The following NEDD1 variants were observed in gnomAD, a reference collection of about 807,000 sequenced individuals.
NEDD1 encodes NEDD1 gamma-tubulin ring complex targeting factor, also known as protein NEDD1.
NEDD1 carries 33 observed loss-of-function variants against 74.0 expected under a neutral mutation model. That is an observed-to-expected ratio of 0.45 (90% CI 0.34 to 0.60). NEDD1 has a LOEUF of 0.60. Among genes scored for constraint, NEDD1 ranks in the 20% least tolerant of loss-of-function variants. The probability of loss-of-function intolerance (pLI) is 0.01; values close to 1 mark genes in which losing one functional copy is unlikely to be tolerated. For synonymous variants in NEDD1, 250 were observed against 264.4 expected, an observed-to-expected ratio of 0.95 and a Z score of 0.53; for missense variants, 746 against 776.5, an observed-to-expected ratio of 0.96 and a Z score of 0.47.
rs149577441 is a variant in NEDD1 at position 96,944,690 on chromosome 12, C to A, written c.1549C>A (p.Pro517Thr). 1.1e-4 allele frequency: 177 copies of A among 1,601,982 alleles called. No individual in the cohort carries two copies. Among genetic ancestry groups the A allele is most frequent in the Non-Finnish European group, 1.5e-4 (172 of 1,173,202 alleles). ...GAESGNLNTSPSSNQTRNSEK... is the reference protein window; with the variant it reads ...GAESGNLNTSTSSNQTRNSEK... ...TGAAAGTGGAAATCTAAATACCTCT[C>A]CATCATCTAACCAAACAAGAAATTC... The change falls in exon 13 of 16, where the codon CCA becomes ACA. Residue 517 changes from proline (P) to threonine (T), a missense_variant. Transcript: ENST00000266742.
intron 14 of NEDD1, 97 bp downstream of exon 14, chr12:96,945,946 T>G (rs376318549): frequency 2.7e-6 from 2 of 733,406 alleles, no homozygotes; most frequent in Non-Finnish European, 4.6e-6. Context: ...GTTACTATTG[T>G]CTAGGTTCTG....
chr12:96,909,957 C>T, intron 3 of NEDD1, 62 bp downstream of exon 3: 4 of 1,544,306 alleles, frequency 2.6e-6, no homozygotes, highest in Non-Finnish European at 3.5e-6. Flanking sequence ...GGTTAAACAA[C>T]CACTGTCAAT....
At chr12:96,933,263 A>G (rs915910202) in intron 6 of NEDD1, among the ~76,000 whole-genome samples, 19 of 152,274 alleles carry the variant, frequency 1.2e-4, no homozygotes, top group Admixed American at 8.5e-4. Context: ...TGTGATTTTT[A>G]TGGTGTTTTT....
At chr12:96,917,490 C>G (rs562708116) in intron 4 of NEDD1, 131 bp from the exon 5 acceptor site, 66 of 1,065,336 alleles carry the variant, frequency 6.2e-5, no homozygotes, top group Non-Finnish European at 7.9e-5. Context: ...CTCTTTAGTA[C>G]AAGATTAGCA....
At chr12:96,942,665 G>A (rs935145871) in intron 11 of NEDD1, 41 bp downstream of exon 11, 2 of 986,192 alleles carry the variant, frequency 2.0e-6, no homozygotes, top group Admixed American at 1.8e-5. Context: ...AATGAAAAGT[G>A]AATTGTATTA....
At chr12:96,907,553 C>T in intron 1 of NEDD1, 51 bp from the exon 2 acceptor site, 1 of 1,523,860 alleles carries the variant, frequency 6.6e-7, no homozygotes, top group Non-Finnish European at 8.9e-7. Flanking sequence ...TGCCTCGTCT[C>T]CACAAGTCTG....
In NEDD1 at chr12:96,912,720, T is replaced by A; in HGVS notation, c.137-3T>A. 6.7e-7 allele frequency: 1 copy of A among 1,488,588 alleles called. No individual in the cohort carries two copies. The allele number at this position is 1,488,588 out of a possible 1,614,324, so 92.2% of individuals were successfully genotyped here. ...GTTTGATGCTCCATAACTCCTCATTTAGATAACTTTTTAGTAACAGCATCT... is the reference window on the plus strand; with the variant it reads ...GTTTGATGCTCCATAACTCCTCATTAAGATAACTTTTTAGTAACAGCATCT... On this transcript the variant is annotated splice_polypyrimidine_tract_variant and splice_region_variant and intron_variant, in intron 3 of 15. Coordinates refer to ENST00000266742, the MANE Select transcript of NEDD1 (RefSeq NM_152905.4).
rs774810261 is a variant in NEDD1 at position 96,940,437 on chromosome 12, T to C, written c.1146T>C (p.Thr382=). Residue 382 remains threonine (T), a synonymous_variant, in exon 10 of 16, where the codon ACT becomes ACC. Coordinates refer to ENST00000266742, the MANE Select transcript of NEDD1 (RefSeq NM_152905.4). ...TGCCTCGAAGCATAAACACAGACAC[T>C]TTATCTAAGGAAACAGACAGTGGAA... ...AGLPRSINTD[T]LSKETDSGKN... 3.7e-6 allele frequency: 6 copies of C among 1,600,722 alleles called. No individual in the cohort carries two copies. The highest frequency in any genetic ancestry group is 5.1e-6 in the Non-Finnish European group (6 of 1,169,250).
rs960565796 is a variant in NEDD1, at chr12:96,943,598, C to G, written c.1333C>G (p.Pro445Ala). The change falls in exon 12 of 16, where the codon CCA becomes GCA. Residue 445 changes from proline (P) to alanine (A), a missense_variant. Transcript: ENST00000266742. ...FLPQLNSVFP[P>A]RKNPVTSSTS... ...ACCGCAGTTGAACTCAGTGTTTCCT[C>G]CAAGAAAAAATCCAGTAACTTCAAG... 2 of 1,613,132 alleles carry G rather than the reference C, an allele frequency of 1.2e-6. No individual in the cohort carries two copies. Among genetic ancestry groups the G allele is most frequent in the Non-Finnish European group, 1.7e-6 (2 of 1,179,388 alleles).
chr12:96,935,461 C>A (rs149970974), intron 7 of NEDD1, among the ~76,000 whole-genome samples: 192 of 152,256 alleles, frequency 1.3e-3, no homozygotes, highest in African/African-American at 4.3e-3. Context: ...ATTTTAGCAT[C>A]TTTTCCACAA....
At chr12:96,935,834 C>CAA (rs146280315) in intron 7 of NEDD1, among the ~76,000 whole-genome samples, 6,229 of 152,112 alleles carry the variant, frequency 0.041, 426 homozygotes, top group African/African-American at 0.14. Flanking sequence ...AAAACAAAAA[C>CAA]AAAAACAAAA....
At chr12:96,926,839 T>C (rs373562175) in intron 6 of NEDD1, among the ~76,000 whole-genome samples, 3 of 151,746 alleles carry the variant, frequency 2.0e-5, no homozygotes, top group Non-Finnish European at 4.4e-5. Flanking sequence ...ATACAAAAAT[T>C]AGCCAGGTGT....
At chr12:96,950,008 A>G (rs946897714) in intron 14 of NEDD1, among the ~76,000 whole-genome samples, 2 of 152,088 alleles carry the variant, frequency 1.3e-5, no homozygotes, top group African/African-American at 2.4e-5. Flanking sequence ...ATTTGAGCAC[A>G]TTAATAAGAA....
intron 4 of NEDD1, among the ~76,000 whole-genome samples, chr12:96,914,451 C>T (rs1874238115): frequency 6.6e-6 from 1 of 152,084 alleles, no homozygotes; most frequent in Non-Finnish European, 1.5e-5. Context: ...CAAATTGTAT[C>T]ATAATGCTGT....
chr12:96,914,902 T>C (rs1307818674), intron 4 of NEDD1, among the ~76,000 whole-genome samples: 1 of 152,212 alleles, frequency 6.6e-6, no homozygotes, highest in Non-Finnish European at 1.5e-5. Context: ...CTAAATATAA[T>C]TTTTATTTTG....
rs200101373 is a variant in NEDD1, at chr12:96,944,750, G to A, written c.1609G>A (p.Ala537Thr). 2.1e-5 allele frequency: 34 copies of A among 1,592,890 alleles called. No homozygotes were observed. Among genetic ancestry groups the A allele is most frequent in the East Asian group, 2.3e-5 (1 of 43,656 alleles). Residue 537 changes from alanine to threonine, a missense_variant, in exon 13 of 16, where the codon GCC becomes ACC. By Grantham distance (58) the Ala-to-Thr change is moderately conservative (BLOSUM62 0). Around this residue, in one of 3 missense-constraint regions of NEDD1, gnomAD observed 706 missense variants for 706.7 expected, o/e 1.00. Transcript: ENST00000266742. ...KFEKPENEIE[A>T]QLICEPPING... ...TGAAAAGCCAGAGAATGAAATTGAA[G>A]CCCAGTTGATATGTGAACCCCCAAT...
rs1004821251 is a variant in NEDD1, at chr12:96,907,549, G to T, written c.-261-55G>T. 3 of 1,502,596 alleles carry T rather than the reference G, an allele frequency of 2.0e-6. No homozygotes were observed. The African/African-American group carries it at 4.2e-5, about 21-fold the overall frequency. The allele number at this position is 1,502,596 out of a possible 1,614,324, so 93.1% of individuals were successfully genotyped here. ...GTGCTGCCTCCGAAAAGTTTGCCTC[G>T]TCTCCACAAGTCTGTCTCCTTTTTT... is the stretch of plus-strand genomic sequence containing the variant. On this transcript the variant is annotated intron_variant, in intron 1 of 15. Transcript: ENST00000266742.
chr12:96,937,312 G>T lies in NEDD1; in HGVS notation c.1036G>T (p.Ala346Ser). 2 of 1,612,208 alleles carry T rather than the reference G, an allele frequency of 1.2e-6. No individual in the cohort carries two copies. Among genetic ancestry groups the T allele is most frequent in the Non-Finnish European group, 1.7e-6 (2 of 1,178,766 alleles). Residue 346 changes from alanine (A) to serine (S), a missense_variant, in exon 9 of 16, where the codon GCC becomes TCC. Transcript: ENST00000266742. Reference sequence around the variant, plus strand: ...TTCCGGAATTGTCAGAGAAGCACCTGCCACGTCCATTGCCACAGTTCTACC... The same window carrying T: ...TTCCGGAATTGTCAGAGAAGCACCTTCCACGTCCATTGCCACAGTTCTACC... ...QNSGIVREAP[A>S]TSIATVLPQP...
At chr12:96,919,389 C>G (rs530088800) in intron 5 of NEDD1, among the ~76,000 whole-genome samples, 1 of 152,282 alleles carries the variant, frequency 6.6e-6, no homozygotes, top group South Asian at 2.1e-4. Context: ...GACCTTGCCC[C>G]TCAGGCTTTT....
Sources: allele counts gnomAD v4.1 joint callset (sites outside exome capture counted in the v4.1 genomes callset), GRCh38; gene constraint gnomAD v4.1.1; regional missense constraint gnomAD v4.1.1; transcripts MANE v1.5; gene names NCBI Gene and HGNC (gene_info 2026-07-23, HGNC 2026-07-21).